SGIP1: variants seen among roughly 807,000 people sequenced by gnomAD.
The protein encoded by SGIP1 is SH3GL interacting endocytic adaptor 1.
Under a neutral mutation model 107.5 loss-of-function variants are expected in SGIP1, and 38 were observed. The ratio of observed to expected loss-of-function variants is 0.35; its 90% confidence interval spans 0.27 to 0.46. The LOEUF (loss-of-function observed/expected upper bound fraction) is 0.46. SGIP1 is among the 20% of genes least tolerant of loss of function. The probability of loss-of-function intolerance (pLI) is 1.00; values close to 1 mark genes in which losing one functional copy is unlikely to be tolerated. For synonymous variants in SGIP1, 365 were observed against 366.1 expected, an observed-to-expected ratio of 1.00 and a Z score of 0.03; for missense variants, 929 against 1,019.5, an observed-to-expected ratio of 0.91 and a Z score of 1.21.
At chr1:66,608,481 A>G (rs2067283138) in intron 1 of SGIP1, among the ~76,000 whole-genome samples, 1 of 152,218 alleles carries the variant, frequency 6.6e-6, no homozygotes, top group African/African-American at 2.4e-5. Flanking sequence ...ACTATTTTAA[A>G]CCATTTTAAA....
At chr1:66,666,162 AG>A (rs2082492681) in intron 8 of SGIP1, 1 of 152,224 alleles carries the variant, frequency 6.6e-6, no homozygotes, top group South Asian at 2.1e-4. Flanking sequence ...GGTGTAAGGA[AG>A]GGATCCAGTT....
In SGIP1 at chr1:66,750,680, C is replaced by T. The variant is rs1348308744; in HGVS notation, c.*7585C>T. On this transcript the variant is annotated 3_prime_UTR_variant, in exon 25 of 25. Transcript: ENST00000371037. Reference sequence around the variant, plus strand: ...TACACGTCTATTTCAAAAGAGTATACTTTTTTCTGACAGCCATTACTGCTT... The same window carrying T: ...TACACGTCTATTTCAAAAGAGTATATTTTTTTCTGACAGCCATTACTGCTT... Among the ~76,000 whole-genome samples the T allele has an allele frequency of 6.6e-6, 1 of 152,144 alleles. No individual in the cohort carries two copies. Among genetic ancestry groups the T allele is most frequent in the African/African-American group, 2.4e-5 (1 of 41,418 alleles).
At position 66,750,131 on chromosome 1, in the gene SGIP1, C is replaced by T. The variant is rs1174042488; in HGVS notation, c.*7036C>T. On this transcript the variant is annotated 3_prime_UTR_variant, in exon 25 of 25. Transcript: ENST00000371037. Reference sequence around the variant, plus strand: ...TGCTGAATAATTTTTCTTGAAAAAGCCAAGTGTTGATATGATGATATATTA... The same window carrying T: ...TGCTGAATAATTTTTCTTGAAAAAGTCAAGTGTTGATATGATGATATATTA... Among the ~76,000 whole-genome samples the T allele has an allele frequency of 1.3e-5, 2 of 151,266 alleles. No individual in the cohort carries two copies.
chr1:66,677,371 C>T (rs1430704783), intron 13 of SGIP1, among the ~76,000 whole-genome samples: 4 of 152,128 alleles, frequency 2.6e-5, no homozygotes, highest in Non-Finnish European at 5.9e-5. Flanking sequence ...ATTCATTGTA[C>T]GTAAGTAAGA....
intron 1 of SGIP1, among the ~76,000 whole-genome samples, chr1:66,569,423 GA>G (rs1351808221): frequency 2.0e-5 from 3 of 151,906 alleles, no homozygotes; most frequent in South Asian, 2.1e-4. Context: ...AGTTTACTGA[GA>G]TTTTTTTTTA....
chr1:66,679,716 C>T lies in SGIP1; in HGVS notation c.778C>T (p.Pro260Ser), dbSNP rs1196888780. The T allele has an allele frequency of 4.4e-6, 7 of 1,605,416 alleles. No homozygotes were observed. The South Asian group carries it at 6.7e-5, about 15-fold the overall frequency. Residue 260 changes from proline (P) to serine (S), a missense_variant, in exon 14 of 25, where the codon CCA (proline) becomes TCA (serine). Pro to Ser is a moderately conservative substitution (Grantham distance 74, BLOSUM62 -1). Coordinates refer to ENST00000371037, the MANE Select transcript of SGIP1 (RefSeq NM_032291.4). ...GCCTCCAAAAAATGTACCAGCTACC[C>T]CACCCCGAACAGGATCCCCCTTAAC... Reference protein sequence around the residue: ...PLPPKNVPATPPRTGSPLTIG... With the variant: ...PLPPKNVPATSPRTGSPLTIG...
intron 17 of SGIP1, chr1:66,694,475 C>T (rs781624750): frequency 5.4e-5 from 87 of 1,607,234 alleles, no homozygotes; most frequent in South Asian, 1.2e-4. Context: ...AAACTGCCCT[C>T]GTTTGAAAGG....
chr1:66,590,925 T>C (rs967683573), intron 1 of SGIP1, among the ~76,000 whole-genome samples: 1 of 152,254 alleles, frequency 6.6e-6, no homozygotes, highest in Non-Finnish European at 1.5e-5. Context: ...ATTTTCTTTC[T>C]GTAGCCCAGC....
chr1:66,749,469 T>G lies in SGIP1; in HGVS notation c.*6374T>G, dbSNP rs1289718074. Among the ~76,000 whole-genome samples the G allele has an allele frequency of 6.6e-6, 1 of 151,952 alleles. No individual in the cohort carries two copies. The highest frequency in any genetic ancestry group is 1.5e-5 in the Non-Finnish European group (1 of 67,898). On this transcript the variant is annotated 3_prime_UTR_variant, in exon 25 of 25. Coordinates refer to ENST00000371037, the MANE Select transcript of SGIP1 (RefSeq NM_032291.4). ...TTTTTTTTTGCTGTTTTTTTTTCTTTTTTTGCTTTGCTTTACTTTGCCAAT... is the reference window on the plus strand; with the variant it reads ...TTTTTTTTTGCTGTTTTTTTTTCTTGTTTTGCTTTGCTTTACTTTGCCAAT...
At chr1:66,613,617 A>C (rs2068530029) in intron 1 of SGIP1, among the ~76,000 whole-genome samples, 1 of 152,208 alleles carries the variant, frequency 6.6e-6, no homozygotes, top group Admixed American at 6.5e-5. Flanking sequence ...GGCGTGAGCC[A>C]CCTCACCCAG....
Position 66,733,892 on chromosome 1 carries a change from T to C in SGIP1, c.2031+12T>C, listed in dbSNP as rs145595034. ...TGCTCAAATATCAGGTAAGCCTATT[T>C]ACATGATCGGTATCTCTTCCACATG... On this transcript the variant is annotated intron_variant, in intron 21 of 24. Coordinates refer to ENST00000371037, the MANE Select transcript of SGIP1 (RefSeq NM_032291.4). 68 of 1,609,988 alleles carry C rather than the reference T, an allele frequency of 4.2e-5. No individual in the cohort carries two copies. The East Asian group carries it at 1.5e-3, about 36-fold the overall frequency.
intron 1 of SGIP1, among the ~76,000 whole-genome samples, chr1:66,570,760 C>T (rs574501835): frequency 6.6e-6 from 1 of 152,000 alleles, no homozygotes; most frequent in Admixed American, 6.6e-5. Flanking sequence ...GCTCACCCAC[C>T]ATGATTCCAT....
At chr1:66,641,734 A>G (rs2076835532) in intron 5 of SGIP1, among the ~76,000 whole-genome samples, 1 of 152,202 alleles carries the variant, frequency 6.6e-6, no homozygotes, top group South Asian at 2.1e-4. Context: ...AATCCCAACA[A>G]TGCAAACTGC....
At chr1:66,575,511 T>A (rs1274608085) in intron 1 of SGIP1, among the ~76,000 whole-genome samples, 1 of 152,108 alleles carries the variant, frequency 6.6e-6, no homozygotes, top group Non-Finnish European at 1.5e-5. Flanking sequence ...GGGCACAAAT[T>A]TAAATTTAAT....
At chr1:66,718,219 G>A (rs1389428626) in intron 18 of SGIP1, among the ~76,000 whole-genome samples, 1 of 152,136 alleles carries the variant, frequency 6.6e-6, no homozygotes, top group Non-Finnish European at 1.5e-5. Flanking sequence ...AGTAGTCTAT[G>A]CTGGGAGTGG....
intron 21 of SGIP1, among the ~76,000 whole-genome samples, chr1:66,738,015 T>C (rs2094325650): frequency 6.6e-6 from 1 of 151,914 alleles, no homozygotes; most frequent in African/African-American, 2.4e-5. Flanking sequence ...TGAGAACTAC[T>C]GCTGAGGACA....
chr1:66,543,656 C>T (rs2055562112), intron 1 of SGIP1, among the ~76,000 whole-genome samples: 1 of 152,104 alleles, frequency 6.6e-6, no homozygotes, highest in African/African-American at 2.4e-5. Context: ...CCATTTATAG[C>T]TCTCTCCCCT....
chr1:66,723,028 A>G (rs2093610855), intron 19 of SGIP1, among the ~76,000 whole-genome samples: 2 of 152,214 alleles, frequency 1.3e-5, no homozygotes, highest in African/African-American at 4.8e-5. Context: ...GATCCAATTT[A>G]TTTCATTAAA....
chr1:66,649,590 CTT>C (rs1296331684), intron 7 of SGIP1, among the ~76,000 whole-genome samples: 1 of 152,170 alleles, frequency 6.6e-6, no homozygotes, highest in Admixed American at 6.5e-5. Flanking sequence ...ACACCACACT[CTT>C]TACATTTAGG....
Sources: gnomAD v4.1 joint callset for allele counts (sites outside exome capture counted in the v4.1 genomes callset) on GRCh38, gnomAD v4.1.1 for gene constraint, MANE v1.5 for transcripts, NCBI Gene and HGNC (gene_info 2026-07-23, HGNC 2026-07-21) for gene names.